CDH13: variants seen among roughly 807,000 people sequenced by gnomAD.
The protein encoded by CDH13 is cadherin-13.
Under a neutral mutation model 63.8 loss-of-function variants are expected in CDH13, and 24 were observed. The observed-to-expected ratio is 0.38, with a 90% confidence interval of 0.27 to 0.53. The LOEUF is 0.53. CDH13 is among the 20% of genes least tolerant of loss of function. The pLI is 0.85. For synonymous variants in CDH13, 503 were observed against 355.3 expected, an observed-to-expected ratio of 1.42 and a Z score of -4.67; for missense variants, 1,049 against 903.1, an observed-to-expected ratio of 1.16 and a Z score of -2.07.
At chr16:83,130,625 C>T (rs1232356220) in intron 4 of CDH13, among the ~76,000 whole-genome samples, 4 of 152,052 alleles carry the variant, frequency 2.6e-5, no homozygotes, top group African/African-American at 4.8e-5. Flanking sequence ...ACAATTCTTT[C>T]GAGTTTTCTC....
At chr16:83,281,837 C>G (rs1238959056) in intron 5 of CDH13, among the ~76,000 whole-genome samples, 1 of 152,044 alleles carries the variant, frequency 6.6e-6, no homozygotes, top group African/African-American at 2.4e-5. Context: ...TGCTTGAACC[C>G]AAGAAGCAAA....
intron 6 of CDH13, among the ~76,000 whole-genome samples, chr16:83,412,016 CTG>C (rs1299629591): frequency 6.6e-6 from 1 of 152,162 alleles, no homozygotes; most frequent in Non-Finnish European, 1.5e-5. Context: ...TTTAGGTTCT[CTG>C]TGGATGTTTG....
At chr16:83,137,162 G>A (rs2036327393) in intron 4 of CDH13, among the ~76,000 whole-genome samples, 1 of 152,156 alleles carries the variant, frequency 6.6e-6, no homozygotes, top group African/African-American at 2.4e-5. Context: ...GGTTGCAGCT[G>A]GTCTCATGCC....
intron 7 of CDH13, among the ~76,000 whole-genome samples, chr16:83,553,750 T>A (rs2075553442): frequency 6.6e-6 from 1 of 152,082 alleles, no homozygotes; most frequent in South Asian, 2.1e-4. Flanking sequence ...AGAGATGGGG[T>A]TTCATAATGT....
At chr16:83,517,391 A>G (rs1289272963) in intron 7 of CDH13, among the ~76,000 whole-genome samples, 4 of 152,248 alleles carry the variant, frequency 2.6e-5, no homozygotes, top group Admixed American at 6.5e-5. Context: ...TGTGATTCCA[A>G]CATGGGTCTG....
intron 10 of CDH13, among the ~76,000 whole-genome samples, chr16:83,742,988 G>T (rs528927493): frequency 6.6e-6 from 1 of 152,230 alleles, no homozygotes; most frequent in East Asian, 1.9e-4. Context: ...CAGGTGGATC[G>T]CTTGAGGTCA....
intron 6 of CDH13, among the ~76,000 whole-genome samples, chr16:83,354,211 G>A (rs751020846): frequency 1.1e-4 from 17 of 152,198 alleles, no homozygotes; most frequent in Admixed American, 6.5e-4. Context: ...GCTCACCAGC[G>A]CCGTTGGATC....
intron 5 of CDH13, among the ~76,000 whole-genome samples, chr16:83,268,256 A>G (rs983728865): frequency 6.6e-6 from 1 of 152,210 alleles, no homozygotes; most frequent in Non-Finnish European, 1.5e-5. Flanking sequence ...CAACCTTCAC[A>G]ATATGTAGGA....
At chr16:83,559,964 C>G (rs2075673976) in intron 7 of CDH13, among the ~76,000 whole-genome samples, 1 of 152,218 alleles carries the variant, frequency 6.6e-6, no homozygotes, top group Non-Finnish European at 1.5e-5. Flanking sequence ...GTTATTCACA[C>G]GATGGAGGCC....
chr16:82,724,790 A>G (rs1012082238), intron 1 of CDH13, among the ~76,000 whole-genome samples: 1 of 152,156 alleles, frequency 6.6e-6, no homozygotes, highest in African/African-American at 2.4e-5. Flanking sequence ...CAAACCTACA[A>G]ACAGGGGAGC....
intron 7 of CDH13, among the ~76,000 whole-genome samples, chr16:83,578,722 G>C (rs568289151): frequency 6.6e-6 from 1 of 152,314 alleles, no homozygotes; most frequent in Non-Finnish European, 1.5e-5. Flanking sequence ...ACACCTTACA[G>C]ATTGGCACAA....
intron 4 of CDH13, among the ~76,000 whole-genome samples, chr16:83,192,922 A>C (rs13380668): frequency 0.13 from 20,319 of 152,106 alleles, 3,259 homozygotes; most frequent in African/African-American, 0.39. Context: ...CTTTACCCCA[A>C]AAACCACAGA....
At chr16:83,402,277 C>G (rs569818460) in intron 6 of CDH13, among the ~76,000 whole-genome samples, 20 of 152,282 alleles carry the variant, frequency 1.3e-4, no homozygotes, top group African/African-American at 4.1e-4. Context: ...AGTTTGCCAC[C>G]TGTCTCAGTT....
At chr16:83,411,313 T>C (rs2092122436) in intron 6 of CDH13, among the ~76,000 whole-genome samples, 1 of 152,178 alleles carries the variant, frequency 6.6e-6, no homozygotes. Context: ...CCCTTTACTG[T>C]GTTCCATTAA....
chr16:82,680,413 G>A (rs567340827), intron 1 of CDH13, among the ~76,000 whole-genome samples: 87 of 152,314 alleles, frequency 5.7e-4, no homozygotes, highest in African/African-American at 1.9e-3. Flanking sequence ...CAGGAGGTGC[G>A]GGTGTAAGAT....
At chr16:83,772,080 G>T (rs1914797199) in intron 11 of CDH13, among the ~76,000 whole-genome samples, 1 of 152,138 alleles carries the variant, frequency 6.6e-6, no homozygotes, top group Admixed American at 6.5e-5. Flanking sequence ...TGACTTTTTA[G>T]CTTGTATACT....
At chr16:82,791,585 C>G (rs1186730707) in intron 1 of CDH13, among the ~76,000 whole-genome samples, 1 of 152,190 alleles carries the variant, frequency 6.6e-6, no homozygotes, top group Non-Finnish European at 1.5e-5. Flanking sequence ...TTGAGCTGAG[C>G]TTTCGCTCAC....
At chr16:83,696,737 A>T (rs910838515) in intron 10 of CDH13, among the ~76,000 whole-genome samples, 1 of 152,222 alleles carries the variant, frequency 6.6e-6, no homozygotes, top group South Asian at 2.1e-4. Context: ...ACTGCACTAC[A>T]TAAACTTTGT....
intron 2 of CDH13, among the ~76,000 whole-genome samples, chr16:82,917,179 G>A (rs1481076438): frequency 1.3e-5 from 2 of 152,182 alleles, no homozygotes; most frequent in Non-Finnish European, 2.9e-5. Flanking sequence ...AAATAAGAGA[G>A]AAGAAAGGAC....
Sources: gnomAD v4.1 joint callset for allele counts (sites outside exome capture counted in the v4.1 genomes callset) on GRCh38, gnomAD v4.1.1 for gene constraint, MANE v1.5 for transcripts, NCBI Gene and HGNC (gene_info 2026-07-23, HGNC 2026-07-21) for gene names.